HS6ST3: variants seen among roughly 807,000 people sequenced by gnomAD.
HS6ST3 encodes heparan-sulfate 6-O-sulfotransferase 3.
In HS6ST3, 12 loss-of-function variants were observed where a neutral mutation model predicts 36.7. The observed-to-expected ratio is 0.33, with a 90% CI of 0.21 to 0.53. The LOEUF is 0.53. HS6ST3 is among the 20% of genes least tolerant of loss of function. The pLI is 0.95. For missense variants in HS6ST3, 584 were observed against 640.9 expected (o/e 0.91, Z 0.96); for synonymous variants, 240 against 257.5 (o/e 0.93, Z 0.65).
At chr13:96,629,675 A>G (rs1315016115) in intron 1 of HS6ST3, among the ~76,000 whole-genome samples, 1 of 151,994 alleles carries the variant, frequency 6.6e-6, no homozygotes, top group Admixed American at 6.6e-5. Flanking sequence ...TTTATTTTCA[A>G]TGTTATGTAC....
rs1464626250 is a variant in HS6ST3 at position 96,566,686 on chromosome 13, T to C, written c.708-265804T>C. 2.0e-5 allele frequency among the ~76,000 whole-genome samples: 3 copies of C among 152,142 alleles called. No individual in the cohort carries two copies. In the East Asian group the frequency reaches 5.8e-4, roughly 29 times the overall value. ...ACTAGACATAATTGTAGGATAGTACTTAGCTGTGGTGTAAACAATAGTCAT... is the reference window on the plus strand; with the variant it reads ...ACTAGACATAATTGTAGGATAGTACCTAGCTGTGGTGTAAACAATAGTCAT... On this transcript the variant is annotated intron_variant, in intron 1 of 1. Coordinates refer to ENST00000376705, the MANE Select transcript of HS6ST3 (RefSeq NM_153456.4).
At chr13:96,232,086 A>T (rs72642942) in intron 1 of HS6ST3, among the ~76,000 whole-genome samples, 7,398 of 152,248 alleles carry the variant, frequency 0.049, 288 homozygotes, top group Admixed American at 0.12. Flanking sequence ...TCTGGAAAAG[A>T]GGTACAGCAC....
intron 1 of HS6ST3, among the ~76,000 whole-genome samples, chr13:96,466,438 C>G (rs181040784): frequency 6.6e-6 from 1 of 152,108 alleles, no homozygotes; most frequent in Non-Finnish European, 1.5e-5. Context: ...TCCATTGCCC[C>G]CTCCATCTAC....
At chr13:96,658,495 A>T (rs551938533) in intron 1 of HS6ST3, among the ~76,000 whole-genome samples, 16 of 149,168 alleles carry the variant, frequency 1.1e-4, no homozygotes, top group Non-Finnish European at 1.8e-4. Flanking sequence ...GTTGGTCAGG[A>T]TGGTCTCGAA....
In HS6ST3 at chr13:96,187,540, T is replaced by C. The variant is rs190807739; in HGVS notation, c.707+95971T>C. ...TATGACTCCAAAGCCTGTATTTTAC[T>C]TGATGTGACTGCAGTGCCCCGTGGC... On this transcript the variant is annotated intron_variant, in intron 1 of 1. Transcript: ENST00000376705. Among the ~76,000 whole-genome samples the C allele has an allele frequency of 1.1e-3, 172 of 152,302 alleles. 1 individual carries two copies. The highest frequency in any genetic ancestry group is 1.5e-3 in the Non-Finnish European group (102 of 68,028).
At chr13:96,617,656 C>T (rs1033829881) in intron 1 of HS6ST3, among the ~76,000 whole-genome samples, 12 of 152,188 alleles carry the variant, frequency 7.9e-5, no homozygotes, top group African/African-American at 2.9e-4. Context: ...AAGAGATGAA[C>T]AGGATGCTAG....
At chr13:96,818,309 A>C (rs1206322594) in intron 1 of HS6ST3, among the ~76,000 whole-genome samples, 3 of 152,214 alleles carry the variant, frequency 2.0e-5, no homozygotes, top group African/African-American at 7.2e-5. Flanking sequence ...GATCCCATTG[A>C]ATGTCCATGT....
chr13:96,223,313 T>C (rs1437555652), intron 1 of HS6ST3, among the ~76,000 whole-genome samples: 1 of 152,198 alleles, frequency 6.6e-6, no homozygotes, highest in Non-Finnish European at 1.5e-5. Context: ...AATGCCCTGA[T>C]GATGAGGTGG....
chr13:96,303,641 G>T (rs1270503321), intron 1 of HS6ST3, among the ~76,000 whole-genome samples: 2 of 152,134 alleles, frequency 1.3e-5, no homozygotes, highest in African/African-American at 4.8e-5. Context: ...GGCCTGTATG[G>T]CACAGGAAAG....
rs895482922 is a variant in HS6ST3 at position 96,837,783 on chromosome 13, G to A, written c.*4585G>A. 2 of 151,342 alleles carry A rather than the reference G, an allele frequency of 1.3e-5. No individual in the cohort carries two copies. Among genetic ancestry groups the A allele is most frequent in the South Asian group, 2.1e-4 (1 of 4,808 alleles). 9.4% of individuals were successfully genotyped at this position (151,342 alleles called of 1,614,324 possible). On this transcript the variant is annotated 3_prime_UTR_variant, in exon 2 of 2. Coordinates refer to ENST00000376705, the MANE Select transcript of HS6ST3 (RefSeq NM_153456.4). ...TCAAAACCTATTCAATATGAAGGCC[G>A]AGGGAATGTGCTCACAACTCCCTAT...
At chr13:96,810,196 C>T (rs1408773406) in intron 1 of HS6ST3, among the ~76,000 whole-genome samples, 1 of 152,180 alleles carries the variant, frequency 6.6e-6, no homozygotes, top group Non-Finnish European at 1.5e-5. Context: ...GTAATCCTAC[C>T]ATGATGACTT....
intron 1 of HS6ST3, among the ~76,000 whole-genome samples, chr13:96,615,936 G>A (rs183943424): frequency 6.6e-6 from 1 of 152,272 alleles, no homozygotes; most frequent in East Asian, 1.9e-4. Context: ...CTTAATTATA[G>A]TAAATGAAAC....
rs1005995683 is a variant in HS6ST3, at chr13:96,768,093, G to A, written c.708-64397G>A. ...CTGTCTTCTCATTCAGGCAGACACAGTAGAGTCTTAAGACTCAAGCTCTTT... is the reference window on the plus strand; with the variant it reads ...CTGTCTTCTCATTCAGGCAGACACAATAGAGTCTTAAGACTCAAGCTCTTT... On this transcript the variant is annotated intron_variant, in intron 1 of 1. Transcript: ENST00000376705. Among the ~76,000 whole-genome samples, 6 of 152,276 alleles carry A rather than the reference G, an allele frequency of 3.9e-5. No individual in the cohort carries two copies. In the East Asian group the frequency reaches 1.2e-3, roughly 29 times the overall value.
At chr13:96,283,268 A>G (rs986959659) in intron 1 of HS6ST3, among the ~76,000 whole-genome samples, 1 of 152,112 alleles carries the variant, frequency 6.6e-6, no homozygotes, top group African/African-American at 2.4e-5. Context: ...GGATTAAATC[A>G]TTGTTGTTCT....
At chr13:96,215,463 A>C (rs927362684) in intron 1 of HS6ST3, among the ~76,000 whole-genome samples, 1 of 152,222 alleles carries the variant, frequency 6.6e-6, no homozygotes, top group Non-Finnish European at 1.5e-5. Context: ...ATGTGTTACC[A>C]GTCAAAATTA....
intron 1 of HS6ST3, among the ~76,000 whole-genome samples, chr13:96,752,118 C>A (rs1386838515): frequency 7.9e-5 from 12 of 152,024 alleles, no homozygotes; most frequent in African/African-American, 2.9e-4. Flanking sequence ...TCCTGAAGTA[C>A]TATACTGCTT....
At chr13:96,200,532 G>A (rs1477074790) in intron 1 of HS6ST3, among the ~76,000 whole-genome samples, 1 of 152,052 alleles carries the variant, frequency 6.6e-6, no homozygotes, top group Non-Finnish European at 1.5e-5. Flanking sequence ...GTTGCAACTT[G>A]GCCATCTTTC....
chr13:96,812,060 C>T (rs1566459763), intron 1 of HS6ST3, among the ~76,000 whole-genome samples: 1 of 151,844 alleles, frequency 6.6e-6, no homozygotes, highest in Non-Finnish European at 1.5e-5. Context: ...TTCAAGGTCA[C>T]CTTTGACTCT....
Position 96,101,165 on chromosome 13 carries a change from A to T in HS6ST3, c.707+9596A>T, listed in dbSNP as rs185993079. Among the ~76,000 whole-genome samples, 118 of 152,324 alleles carry T rather than the reference A, an allele frequency of 7.7e-4. 1 individual carries two copies. The highest frequency in any genetic ancestry group is 1.7e-3 in the South Asian group (8 of 4,828). ...TATATTATGATGCACAGTAGACAAC[A>T]CACATTTTATAAATTTGAAGTTATG... On this transcript the variant is annotated intron_variant, in intron 1 of 1. Transcript: ENST00000376705.
Sources: allele counts gnomAD v4.1 joint callset (sites outside exome capture counted in the v4.1 genomes callset), GRCh38; gene constraint gnomAD v4.1.1; transcripts MANE v1.5; gene names NCBI Gene and HGNC (gene_info 2026-07-23, HGNC 2026-07-21).